Variants in ZNF423 observed in about 807,000 individuals in gnomAD.
ZNF423 encodes the protein Ebf-associated zinc finger protein.
A neutral mutation model predicts 95.8 loss-of-function variants in ZNF423; 12 were observed. The observed-to-expected ratio is 0.13, with a 90% CI of 0.08 to 0.20. The LOEUF (loss-of-function observed/expected upper bound fraction) is 0.20. Among genes scored for constraint, ZNF423 ranks in the 10% least tolerant of loss-of-function variants. ZNF423 has a pLI of 1.00. For missense variants in ZNF423, 1,316 were observed against 1,737.1 expected, an observed-to-expected ratio of 0.76 and a Z score of 4.31; for synonymous variants, 749 against 711.9, an observed-to-expected ratio of 1.05 and a Z score of -0.83.
chr16:49,491,844 G>A (rs190050822), intron 7 of ZNF423, among the ~76,000 whole-genome samples: 60 of 152,304 alleles, frequency 3.9e-4, no homozygotes, highest in African/African-American at 1.4e-3. Flanking sequence ...GGCAGTGGGC[G>A]GCCGTGGTGC....
intron 1 of ZNF423, among the ~76,000 whole-genome samples, chr16:49,817,241 G>A (rs970648008): frequency 1.7e-4 from 26 of 152,222 alleles, no homozygotes; most frequent in African/African-American, 5.3e-4. Context: ...GGAGAGGGGA[G>A]AGCAGGGGGA....
intron 7 of ZNF423, among the ~76,000 whole-genome samples, chr16:49,516,538 G>C (rs1968152278): frequency 6.6e-6 from 1 of 152,214 alleles, no homozygotes. Flanking sequence ...GTGCATGACA[G>C]AGCAAGGTTT....
intron 5 of ZNF423, among the ~76,000 whole-genome samples, chr16:49,549,519 T>C (rs1182908296): frequency 2.6e-5 from 4 of 152,092 alleles, no homozygotes; most frequent in African/African-American, 7.2e-5. Flanking sequence ...CCATTTCCTC[T>C]CCTCTCCTCC....
chr16:49,803,133 T>A (rs1318627308), intron 1 of ZNF423, among the ~76,000 whole-genome samples: 1 of 152,006 alleles, frequency 6.6e-6, no homozygotes, highest in Non-Finnish European at 1.5e-5. Context: ...GTGGCATGCA[T>A]GTGTAGTCGC....
rs979720559 is a variant in ZNF423 at position 49,855,550 on chromosome 16, T to G, written c.40+185A>C. On this transcript the variant is annotated intron_variant, in intron 1 of 7. Coordinates refer to ENST00000563137, the MANE Select transcript of ZNF423 (RefSeq NM_001379286.1). The surrounding 1 kb of genome is among the most constrained non-coding windows in gnomAD (Gnocchi z 4.7). The stretch of plus-strand genomic sequence containing the variant: ...CGCCGCCGCCGCCTCCGCCTCCTGC[T>G]CCCGGCTTCCTCCTCCCCCTCCTCC... Among the ~76,000 whole-genome samples the G allele has an allele frequency of 2.1e-5, 3 of 144,836 alleles. No individual in the cohort carries two copies. Among genetic ancestry groups the G allele is most frequent in the African/African-American group, 7.7e-5 (3 of 38,978 alleles).
chr16:49,705,262 A>G (rs2032313040), intron 3 of ZNF423, among the ~76,000 whole-genome samples: 1 of 152,166 alleles, frequency 6.6e-6, no homozygotes, highest in Non-Finnish European at 1.5e-5. Context: ...CAGGTGGATC[A>G]CTGGGATGGG....
intron 3 of ZNF423, among the ~76,000 whole-genome samples, chr16:49,719,725 G>A (rs190498142): frequency 5.9e-5 from 9 of 152,316 alleles, no homozygotes; most frequent in African/African-American, 1.9e-4. Flanking sequence ...CGCCATGATC[G>A]TAAGTTTCCT....
chr16:49,760,948 G>A (rs1391520766), intron 2 of ZNF423, among the ~76,000 whole-genome samples: 5 of 145,650 alleles, frequency 3.4e-5, no homozygotes, highest in Middle Eastern at 7.2e-3. Flanking sequence ...GTACACACAC[G>A]CATACATGCA....
intron 2 of ZNF423, among the ~76,000 whole-genome samples, chr16:49,760,448 C>G (rs2143635746): frequency 6.6e-6 from 1 of 152,250 alleles, no homozygotes; most frequent in East Asian, 1.9e-4. Context: ...TCATATTTGC[C>G]TTACTTGCCA....
intron 7 of ZNF423, among the ~76,000 whole-genome samples, chr16:49,512,245 A>G (rs190581900): frequency 6.6e-6 from 1 of 152,330 alleles, no homozygotes; most frequent in African/African-American, 2.4e-5. Flanking sequence ...GCACGTCCAC[A>G]CATGATTGAT....
chr16:49,513,044 C>T (rs558432045), intron 7 of ZNF423, among the ~76,000 whole-genome samples: 3 of 152,156 alleles, frequency 2.0e-5, no homozygotes, highest in East Asian at 3.9e-4. Context: ...TGCAGTGAGC[C>T]GAGATCGTGT....
chr16:49,853,981 T>TA, intron 1 of ZNF423: 1 of 985,394 alleles, frequency 1.0e-6, no homozygotes, highest in Non-Finnish European at 1.2e-6. Flanking sequence ...GGTCGCCTCT[T>TA]AAGTGGCTCC....
chr16:49,644,411 T>C (rs563453004), intron 3 of ZNF423, among the ~76,000 whole-genome samples: 2 of 151,046 alleles, frequency 1.3e-5, no homozygotes, highest in East Asian at 2.0e-4. Context: ...TCCCTGAACA[T>C]TGGGTGGCTG....
At chr16:49,586,475 T>C (rs902105145) in intron 5 of ZNF423, among the ~76,000 whole-genome samples, 4 of 152,252 alleles carry the variant, frequency 2.6e-5, no homozygotes, top group African/African-American at 9.6e-5. Flanking sequence ...CTAATAGTTA[T>C]GCAAGGCTGC....
chr16:49,696,723 C>G (rs1377791059), intron 3 of ZNF423, among the ~76,000 whole-genome samples: 1 of 151,932 alleles, frequency 6.6e-6, no homozygotes, highest in African/African-American at 2.4e-5. Flanking sequence ...GGGGGACAGC[C>G]AGGGACCTGG....
chr16:49,675,697 G>C (rs556079192), intron 3 of ZNF423, among the ~76,000 whole-genome samples: 1 of 152,280 alleles, frequency 6.6e-6, no homozygotes, highest in Non-Finnish European at 1.5e-5. Context: ...CCAAACAGCA[G>C]CTCCTCTGCT....
intron 5 of ZNF423, among the ~76,000 whole-genome samples, chr16:49,527,385 G>A (rs995130733): frequency 2.0e-5 from 3 of 152,312 alleles, no homozygotes; most frequent in Admixed American, 1.3e-4. Flanking sequence ...CAGGCCCCAC[G>A]CACGTCCTCC....
At chr16:49,736,941 G>A (rs992810623) in intron 2 of ZNF423, among the ~76,000 whole-genome samples, 6 of 152,236 alleles carry the variant, frequency 3.9e-5, no homozygotes, top group Non-Finnish European at 8.8e-5. Flanking sequence ...GCCCTCTAGA[G>A]GGAAGGAGCA....
chr16:49,792,720 T>C (rs559340934), intron 1 of ZNF423, among the ~76,000 whole-genome samples: 4 of 152,288 alleles, frequency 2.6e-5, no homozygotes, highest in African/African-American at 9.6e-5. Context: ...GAATATGGGC[T>C]AGAGGATTCA....
Sources: gnomAD v4.1 joint callset for allele counts (sites outside exome capture counted in the v4.1 genomes callset) on GRCh38, gnomAD v4.1.1 for gene constraint, Gnocchi (gnomAD v3.1) non-coding constraint, MANE v1.5 for transcripts, NCBI Gene and HGNC (gene_info 2026-07-23, HGNC 2026-07-21) for gene names.